Variants in C3orf70 observed in about 807,000 individuals in gnomAD.
C3orf70 encodes chromosome 3 open reading frame 70, also known as UPF0524 protein C3orf70.
C3orf70 carries 15 observed loss-of-function variants against 20.7 expected under a neutral mutation model. The ratio of observed to expected loss-of-function variants is 0.72; its 90% CI spans 0.48 to 1.11. The LOEUF (loss-of-function observed/expected upper bound fraction) is 1.11, where lower values mean the gene tolerates loss of function less well. Ranked by LOEUF, C3orf70 falls within the 50% of genes most tolerant of loss-of-function variation. C3orf70 has a pLI of 0.00. For missense variants in C3orf70, 332 were observed against 317.6 expected, an observed-to-expected ratio of 1.05 and a Z score of -0.34; for synonymous variants, 161 against 125.7, an observed-to-expected ratio of 1.28 and a Z score of -1.88.
chr3:185,141,145 C>T (rs1716742701), intron 1 of C3orf70, among the ~76,000 whole-genome samples: 1 of 152,016 alleles, frequency 6.6e-6, no homozygotes, highest in African/African-American at 2.4e-5. Context: ...CTGCAAGAAA[C>T]AAACTTCTAT....
chr3:185,120,749 C>A (rs556159606), intron 1 of C3orf70, among the ~76,000 whole-genome samples: 1 of 149,856 alleles, frequency 6.7e-6, no homozygotes, highest in Non-Finnish European at 1.5e-5. Flanking sequence ...GGCATGGATG[C>A]GGTGAAAAGG....
At chr3:185,138,178 A>G (rs765662353) in intron 1 of C3orf70, among the ~76,000 whole-genome samples, 21 of 152,172 alleles carry the variant, frequency 1.4e-4, no homozygotes, top group Non-Finnish European at 2.6e-4. Context: ...AAAAATGCCA[A>G]TGATCTACAT....
At chr3:185,108,496 T>C (rs1715993420) in intron 1 of C3orf70, among the ~76,000 whole-genome samples, 1 of 152,238 alleles carries the variant, frequency 6.6e-6, no homozygotes, top group Non-Finnish European at 1.5e-5. Context: ...CAGTTAGAAT[T>C]AGAATGCACC....
chr3:185,145,243 T>C (rs1716833110), intron 1 of C3orf70, among the ~76,000 whole-genome samples: 1 of 152,214 alleles, frequency 6.6e-6, no homozygotes, highest in African/African-American at 2.4e-5. Context: ...GATTTTGTAA[T>C]GTGGGAAATT....
Position 185,082,849 on chromosome 3 carries a change from G to A in C3orf70, c.*158C>T. On this transcript the variant is annotated 3_prime_UTR_variant, in exon 2 of 2. Coordinates refer to ENST00000335012, the MANE Select transcript of C3orf70 (RefSeq NM_001025266.3). ...AAAAGAATGTCTTAGTTGTAAGACG[G>A]AGAGAAGCTAATCAGCATACCACTG... is the stretch of plus-strand genomic sequence containing the variant. 1 of 679,876 alleles carries A rather than the reference G, an allele frequency of 1.5e-6. No individual in the cohort carries two copies. The highest frequency in any genetic ancestry group is 2.5e-5 in the East Asian group (1 of 40,010). 42.1% of individuals were successfully genotyped at this position (679,876 alleles called of 1,614,324 possible).
intron 1 of C3orf70, among the ~76,000 whole-genome samples, chr3:185,102,731 T>C (rs1259549672): frequency 1.3e-5 from 2 of 152,010 alleles, no homozygotes; most frequent in African/African-American, 2.4e-5. Context: ...TGAAACAGAA[T>C]AGAGCCCCAA....
chr3:185,152,902 G>A lies in C3orf70; in HGVS notation c.-79C>T. On this transcript the variant is annotated 5_prime_UTR_variant, in exon 1 of 2. Coordinates refer to ENST00000335012, the MANE Select transcript of C3orf70 (RefSeq NM_001025266.3). ...GGGTGGGCAGGAAGCCGAGCCGGCT[G>A]CGGACGCGGGAGGGCGCGGCACGGG... is the stretch of plus-strand genomic sequence containing the variant. 1 of 1,318,106 alleles carries A rather than the reference G, an allele frequency of 7.6e-7. No individual in the cohort carries two copies. The highest frequency in any genetic ancestry group is 9.9e-7 in the Non-Finnish European group (1 of 1,014,096). 81.7% of individuals were successfully genotyped at this position (1,318,106 alleles called of 1,614,324 possible). A position where few individuals can be genotyped will look rare whatever the true frequency, so the allele number is the denominator to read the frequency against.
Position 185,077,130 on chromosome 3 carries a change from G to A in C3orf70, c.*5877C>T, listed in dbSNP as rs1377322708. Among the ~76,000 whole-genome samples, 5 of 151,916 alleles carry A rather than the reference G, an allele frequency of 3.3e-5. No individual in the cohort carries two copies. The highest frequency in any genetic ancestry group is 1.2e-4 in the African/African-American group (5 of 41,204). ...TTTGCAGAGACATGGTATAGGGTGC[G>A]GGGTGGGGGGGCACTGTATGGAGGA... On this transcript the variant is annotated 3_prime_UTR_variant, in exon 2 of 2. Coordinates refer to ENST00000335012, the MANE Select transcript of C3orf70 (RefSeq NM_001025266.3).
intron 1 of C3orf70, among the ~76,000 whole-genome samples, chr3:185,132,473 G>T (rs936015521): frequency 6.6e-6 from 1 of 151,590 alleles, no homozygotes; most frequent in East Asian, 1.9e-4. Context: ...TTGCCTTCTG[G>T]ACAATTTCTT....
At chr3:185,104,981 CAACT>C (rs1329091523) in intron 1 of C3orf70, among the ~76,000 whole-genome samples, 4 of 152,118 alleles carry the variant, frequency 2.6e-5, no homozygotes, top group Admixed American at 6.5e-5. Flanking sequence ...AAATATCCAG[CAACT>C]AACAAGGTAA....
rs1370406120 is a variant in C3orf70 at position 185,078,019 on chromosome 3, G to A, written c.*4988C>T. The A allele has an allele frequency of 6.6e-6, 1 of 152,310 alleles. No homozygotes were observed. Among genetic ancestry groups the A allele is most frequent in the Non-Finnish European group, 1.5e-5 (1 of 67,992 alleles). 9.4% of individuals were successfully genotyped at this position (152,310 alleles called of 1,614,324 possible). The stretch of plus-strand genomic sequence containing the variant: ...TTTGCAAACGTGAGTTTTGGTTTTG[G>A]GGTTGGGTACACTCCAAAACAGCAG... On this transcript the variant is annotated 3_prime_UTR_variant, in exon 2 of 2. Coordinates refer to ENST00000335012, the MANE Select transcript of C3orf70 (RefSeq NM_001025266.3).
chr3:185,140,216 G>C lies in C3orf70; in HGVS notation c.196+12412C>G, dbSNP rs143090560. Among the ~76,000 whole-genome samples the C allele has an allele frequency of 1.2e-4, 18 of 152,266 alleles. No homozygotes were observed. In the East Asian group the frequency reaches 3.3e-3, roughly 28 times the overall value. ...TGCAGTTCAAACCCATGTTGTTCAA[G>C]GGTCAACTATAAACTAATCATGCAG... On this transcript the variant is annotated intron_variant, in intron 1 of 1. Transcript: ENST00000335012.
intron 1 of C3orf70, among the ~76,000 whole-genome samples, chr3:185,089,186 C>CT (rs1715516185): frequency 6.6e-6 from 1 of 151,808 alleles, no homozygotes; most frequent in Non-Finnish European, 1.5e-5. Context: ...TATTTGGAGA[C>CT]TTTTTTCCTC....
intron 1 of C3orf70, among the ~76,000 whole-genome samples, chr3:185,106,885 A>G (rs1386872329): frequency 6.6e-6 from 1 of 152,240 alleles, no homozygotes; most frequent in Non-Finnish European, 1.5e-5. Flanking sequence ...TCAGATTACA[A>G]TGAGGAAATT....
intron 1 of C3orf70, among the ~76,000 whole-genome samples, chr3:185,117,392 T>A (rs1345793598): frequency 6.6e-6 from 1 of 150,848 alleles, no homozygotes; most frequent in Non-Finnish European, 1.5e-5. Context: ...AAAACCCTGG[T>A]TCTCACCATT....
At chr3:185,123,820 C>T (rs1716358267) in intron 1 of C3orf70, among the ~76,000 whole-genome samples, 1 of 152,144 alleles carries the variant, frequency 6.6e-6, no homozygotes, top group African/African-American at 2.4e-5. Flanking sequence ...ATAAATCCCA[C>T]TTCTAAATGT....
intron 1 of C3orf70, among the ~76,000 whole-genome samples, chr3:185,150,883 C>T (rs557052297): frequency 6.6e-6 from 1 of 152,222 alleles, no homozygotes; most frequent in African/African-American, 2.4e-5. Context: ...AAAGAAATGC[C>T]TTAAGAGAAA....
In C3orf70 at chr3:185,134,700, C is replaced by T. The variant is rs78612281; in HGVS notation, c.196+17928G>A. Among the ~76,000 whole-genome samples, 799 of 152,300 alleles carry T rather than the reference C, an allele frequency of 5.2e-3. 7 individuals carry two copies. The highest frequency in any genetic ancestry group is 6.8e-3 in the Admixed American group (104 of 15,302). ...CAAACATCAGAGAAAAAATTGTGTA[C>T]TTTACCCCAGCCAGTAAAGGCTGAC... is the stretch of plus-strand genomic sequence containing the variant. On this transcript the variant is annotated intron_variant, in intron 1 of 1. Transcript: ENST00000335012.
intron 1 of C3orf70, among the ~76,000 whole-genome samples, chr3:185,109,444 A>G (rs941389584): frequency 1.3e-5 from 2 of 152,200 alleles, no homozygotes; most frequent in Admixed American, 1.3e-4. Context: ...GGAGGATCCC[A>G]AGGACCCCCC....
Sources: gnomAD v4.1 joint callset for allele counts (sites outside exome capture counted in the v4.1 genomes callset) on GRCh38, gnomAD v4.1.1 for gene constraint, MANE v1.5 for transcripts, NCBI Gene and HGNC (gene_info 2026-07-23, HGNC 2026-07-21) for gene names.